Variants in DNAJB1 observed in about 807,000 individuals in gnomAD.
The protein encoded by DNAJB1 is dnaJ homolog subfamily B member 1.
Under a neutral mutation model 24.0 loss-of-function variants are expected in DNAJB1, and 14 were observed. The ratio of observed to expected loss-of-function variants is 0.58; its 90% confidence interval spans 0.39 to 0.91. The LOEUF (loss-of-function observed/expected upper bound fraction) is 0.91. Among genes scored for constraint, DNAJB1 ranks in the 40% least tolerant of loss-of-function variants. The probability of loss-of-function intolerance (pLI) is 0.00; values close to 1 mark genes in which losing one functional copy is unlikely to be tolerated. For missense variants in DNAJB1, 517 were observed against 458.1 expected, an observed-to-expected ratio of 1.13 and a Z score of -1.17; for synonymous variants, 262 against 174.4, an observed-to-expected ratio of 1.50 and a Z score of -3.96.
At chr19:14,529,665 C>T (rs1044431686), upstream of DNAJB1, 8 of 1,613,762 alleles carry the variant, frequency 5.0e-6, no homozygotes, top group African/African-American at 1.3e-5. Flanking sequence ...GCAGCAGCAG[C>T]CGCGGAGCAG....
At chr19:14,547,240 T>C (rs975827565) in intron 1 of DNAJB1, among the ~76,000 whole-genome samples, 3 of 152,244 alleles carry the variant, frequency 2.0e-5, no homozygotes, top group Non-Finnish European at 2.9e-5. Flanking sequence ...TAAATGTTTA[T>C]GTAAAATTTT....
At chr19:14,525,205 C>T (rs987045334) in intron 2 of DNAJB1, among the ~76,000 whole-genome samples, 1 of 152,076 alleles carries the variant, frequency 6.6e-6, no homozygotes, top group Non-Finnish European at 1.5e-5. Context: ...TGCACTCCAG[C>T]CTGGGTGACA....
chr19:14,557,532 A>G (rs1220450204), intron 1 of DNAJB1, among the ~76,000 whole-genome samples: 1 of 134,214 alleles, frequency 7.5e-6, no homozygotes, highest in Non-Finnish European at 1.6e-5. Context: ...GCTCACTGCA[A>G]CCTCCTCCTC....
At chr19:14,527,694 T>TCC (rs2072456716) in intron 2 of DNAJB1, 1 of 152,216 alleles carries the variant, frequency 6.6e-6, no homozygotes, top group Non-Finnish European at 1.5e-5. Flanking sequence ...CACCCTTGCC[T>TCC]CCGCCTGCTC....
chr19:14,549,671 G>T (rs112590007), intron 1 of DNAJB1, among the ~76,000 whole-genome samples: 21,980 of 151,828 alleles, frequency 0.14, 1,889 homozygotes, highest in South Asian at 0.24. Context: ...TAGGCCAGGC[G>T]CAGTGGCTCA....
At chr19:14,552,523 TTTTTC>T (rs553112575), upstream of DNAJB1, among the ~76,000 whole-genome samples, 72 of 151,356 alleles carry the variant, frequency 4.8e-4, no homozygotes, top group Admixed American at 1.3e-3. Flanking sequence ...CATCACAGTC[TTTTTC>T]TTTTCTTTTC....
At chr19:14,517,221 C>T in intron 1 of DNAJB1, 175 bp from the exon 2 acceptor site, 2 of 624,420 alleles carry the variant, frequency 3.2e-6, no homozygotes, top group Non-Finnish European at 5.5e-6. Flanking sequence ...GAGACGCCCC[C>T]CTACCAACAG....
intron 1 of DNAJB1, among the ~76,000 whole-genome samples, chr19:14,559,325 CAG>C (rs2073837237): frequency 1.3e-5 from 2 of 152,128 alleles, no homozygotes; most frequent in African/African-American, 4.8e-5. Context: ...TACCCAGCAG[CAG>C]CCACTCCCCA....
In DNAJB1 at chr19:14,518,209, C is replaced by A; in HGVS notation, c.141G>T (p.Glu47Asp). 1.2e-6 allele frequency: 2 copies of A among 1,610,004 alleles called. No individual in the cohort carries two copies. Among genetic ancestry groups the A allele is most frequent in the Non-Finnish European group, 1.7e-6 (2 of 1,178,498 alleles). ...TGAGCACGTCGTAGGCCTCAGCGAT[C>A]TCCTTGAACTTCTCCTCGGCGCCGG... ...KEPGAEEKFK[E>D]IAEAYDVLSD... The change falls in exon 1 of 3, where the codon GAG becomes GAT. Residue 47 changes from glutamate to aspartate, a missense_variant. Transcript: ENST00000254322.
chr19:14,558,978 C>T (rs535325755), intron 1 of DNAJB1, among the ~76,000 whole-genome samples: 14 of 152,260 alleles, frequency 9.2e-5, no homozygotes, highest in Middle Eastern at 3.4e-3. Context: ...CAGGCCTGGG[C>T]AGGCGTGTGT....
At chr19:14,516,381 C>A in intron 2 of DNAJB1, 85 bp downstream of exon 2, 1 of 1,457,280 alleles carries the variant, frequency 6.9e-7, no homozygotes, top group Non-Finnish European at 9.4e-7. Flanking sequence ...CACCACACAC[C>A]CCAACACATT....
upstream of DNAJB1, among the ~76,000 whole-genome samples, chr19:14,550,688 T>G (rs534976181): frequency 7.3e-5 from 11 of 151,490 alleles, no homozygotes; most frequent in Non-Finnish European, 1.2e-4. Context: ...TTTTTTGGTT[T>G]GTTTGTTTTT....
At chr19:14,541,694 C>G (rs939984073) in intron 1 of DNAJB1, among the ~76,000 whole-genome samples, 6 of 152,032 alleles carry the variant, frequency 3.9e-5, no homozygotes. Flanking sequence ...AGGCATGGAG[C>G]CCAGAGTTTG....
At chr19:14,520,413 C>G (rs1261703093), upstream of DNAJB1, among the ~76,000 whole-genome samples, 1 of 152,092 alleles carries the variant, frequency 6.6e-6, no homozygotes, top group African/African-American at 2.4e-5. Flanking sequence ...GCACTCCAGC[C>G]TGGGTGACAG....
At position 14,516,490 on chromosome 19, in the gene DNAJB1, A is replaced by G; in HGVS notation, c.768T>C (p.Tyr256=). The change falls in exon 2 of 3, where the codon TAT becomes TAC. Residue 256 remains tyrosine, a synonymous_variant. Transcript: ENST00000254322. ...IFKRDGSDVI[Y]PARISLREAL... is the part of the protein sequence containing the mutation. ...CCTCCCGGAGGCTGATCCTGGCAGG[A>G]TAAATGACATCAGAGCCATCTCTCT... 6.2e-7 allele frequency: 1 copy of G among 1,613,374 alleles called. No homozygotes were observed. Among genetic ancestry groups the G allele is most frequent in the Admixed American group, 1.7e-5 (1 of 60,004 alleles).
chr19:14,547,838 T>C (rs2073356696), intron 1 of DNAJB1, among the ~76,000 whole-genome samples: 1 of 151,884 alleles, frequency 6.6e-6, no homozygotes, highest in Admixed American at 6.6e-5. Flanking sequence ...TTTTGTTTTT[T>C]TTTGGTAGAA....
At chr19:14,530,395 C>A (rs1422974383), upstream of DNAJB1, 3 of 152,662 alleles carry the variant, frequency 2.0e-5, no homozygotes, top group Admixed American at 6.5e-5. Flanking sequence ...ATGTGCTTAT[C>A]GCCCTAGGTG....
Position 14,516,049 on chromosome 19 carries a change from G to T in DNAJB1, c.914C>A (p.Pro305His). The stretch of plus-strand genomic sequence containing the variant: ...GTCCCCACGTTTCTCGGGTGTTTTG[G>T]GGAGGGGGAGGCCTTCTCCAGGAAC... ...RKVPGEGLPL[P>H]KTPEKRGDLI... Residue 305 changes from proline to histidine, a missense_variant, in exon 3 of 3, where the codon CCC (proline) becomes CAC (histidine). Physicochemically the swap from Pro to His is moderately conservative, Grantham distance 77. Coordinates refer to ENST00000254322, the MANE Select transcript of DNAJB1 (RefSeq NM_006145.3). 2 of 1,613,402 alleles carry T rather than the reference G, an allele frequency of 1.2e-6. No homozygotes were observed. Among genetic ancestry groups the T allele is most frequent in the Non-Finnish European group, 8.5e-7 (1 of 1,179,772 alleles).
At chr19:14,542,823 A>T (rs1375584911) in intron 1 of DNAJB1, among the ~76,000 whole-genome samples, 1 of 151,758 alleles carries the variant, frequency 6.6e-6, no homozygotes, top group Non-Finnish European at 1.5e-5. Flanking sequence ...GCAAGGTGTA[A>T]AGGCCCTCTC....
Sources: gnomAD v4.1 joint callset for allele counts (sites outside exome capture counted in the v4.1 genomes callset) on GRCh38, gnomAD v4.1.1 for gene constraint, MANE v1.5 for transcripts, NCBI Gene and HGNC (gene_info 2026-07-23, HGNC 2026-07-21) for gene names.